GAD2: variants seen among roughly 807,000 people sequenced by gnomAD.
GAD2 encodes the protein glutamate decarboxylase 2, also known as 65 kDa glutamic acid decarboxylase.
Under a neutral mutation model 80.1 loss-of-function variants are expected in GAD2, and 22 were observed. The observed-to-expected ratio is 0.27, with a 90% CI of 0.20 to 0.39. The LOEUF (loss-of-function observed/expected upper bound fraction) is 0.39. Among genes scored for constraint, GAD2 ranks in the 10% least tolerant of loss-of-function variants. The pLI is 1.00. For synonymous variants in GAD2, 274 were observed against 256.9 expected, an observed-to-expected ratio of 1.07 and a Z score of -0.64; for missense variants, 624 against 738.4, an observed-to-expected ratio of 0.85 and a Z score of 1.80.
chr10:26,235,231 C>A (rs12258107), intron 7 of GAD2, among the ~76,000 whole-genome samples: 1,645 of 152,286 alleles, frequency 0.011, 38 homozygotes, highest in African/African-American at 0.037. Flanking sequence ...CATTACTATC[C>A]CTTCTTCCAA....
intron 6 of GAD2, among the ~76,000 whole-genome samples, chr10:26,226,577 T>A (rs1312023894): frequency 2.0e-5 from 3 of 152,220 alleles, no homozygotes; most frequent in Non-Finnish European, 4.4e-5. Context: ...TGGCTATGGA[T>A]GCTATTCCCG....
intron 8 of GAD2, among the ~76,000 whole-genome samples, chr10:26,249,105 C>T (rs1844846212): frequency 1.3e-5 from 2 of 152,178 alleles, no homozygotes; most frequent in African/African-American, 4.8e-5. Flanking sequence ...CTCTGTTGCC[C>T]AGGCTGGAGT....
At chr10:26,221,868 A>C (rs866740592) in intron 4 of GAD2, among the ~76,000 whole-genome samples, 5 of 152,214 alleles carry the variant, frequency 3.3e-5, no homozygotes, top group Middle Eastern at 6.3e-3. Flanking sequence ...CGACAGCAGC[A>C]GGAGGCCAAG....
chr10:26,240,035 T>C (rs1382757292), intron 7 of GAD2, among the ~76,000 whole-genome samples: 1 of 152,214 alleles, frequency 6.6e-6, no homozygotes, highest in Non-Finnish European at 1.5e-5. Context: ...AGTTAAATAT[T>C]TGGATGAAAT....
In GAD2 at chr10:26,217,866, A is replaced by G; in HGVS notation, c.161A>G (p.Lys54Arg). 6.2e-7 allele frequency: 1 copy of G among 1,607,520 alleles called. No homozygotes were observed. Among genetic ancestry groups the G allele is most frequent in the Middle Eastern group, 1.7e-4 (1 of 6,028 alleles). The change falls in exon 3 of 16, where the codon AAG (lysine) becomes AGG (arginine). Residue 54 changes from lysine (K) to arginine (R), a missense_variant. By Grantham distance (26) the Lys-to-Arg change is conservative. Transcript: ENST00000376261. This position sits in a 1 kb window ranked among gnomAD's most constrained non-coding sequence, Gnocchi z 4.9. The part of the protein sequence containing the change: ...LCALLYGDAE[K>R]PAESGGSQPP... ...GCCCTGCTCTACGGAGACGCCGAGA[A>G]GCCGGCGGAGAGCGGCGGGAGCCAA...
intron 6 of GAD2, among the ~76,000 whole-genome samples, chr10:26,226,079 A>G (rs183624877): frequency 4.6e-5 from 7 of 150,776 alleles, no homozygotes; most frequent in Admixed American, 4.6e-4. Context: ...GCTGGGCTCT[A>G]TTTTTTTTTC....
At chr10:26,298,140 A>C (rs937289400) in intron 15 of GAD2, among the ~76,000 whole-genome samples, 2 of 152,172 alleles carry the variant, frequency 1.3e-5, no homozygotes, top group South Asian at 4.1e-4. Flanking sequence ...TTAGTAAATC[A>C]GGGTAAGGAG....
chr10:26,296,762 G>T (rs1393597669), intron 15 of GAD2, among the ~76,000 whole-genome samples: 1 of 151,924 alleles, frequency 6.6e-6, no homozygotes, highest in African/African-American at 2.4e-5. Context: ...AGCTTTTATA[G>T]TCCTACACTG....
intron 7 of GAD2, among the ~76,000 whole-genome samples, chr10:26,242,928 A>G (rs1350422012): frequency 1.3e-5 from 2 of 152,028 alleles, no homozygotes; most frequent in Non-Finnish European, 2.9e-5. Context: ...AGTGGCTTGC[A>G]TGTACTTAGT....
intron 15 of GAD2, among the ~76,000 whole-genome samples, chr10:26,293,669 G>A (rs893296627): frequency 6.6e-6 from 1 of 152,186 alleles, no homozygotes; most frequent in Non-Finnish European, 1.5e-5. Flanking sequence ...ACCAGAAATG[G>A]TTAGCAAACA....
chr10:26,277,411 A>G (rs907131738), intron 11 of GAD2, among the ~76,000 whole-genome samples: 1 of 152,218 alleles, frequency 6.6e-6, no homozygotes, highest in African/African-American at 2.4e-5. Context: ...TGTGGCTGCC[A>G]TTATGCGTGG....
chr10:26,255,730 C>G (rs1430502397), intron 8 of GAD2, among the ~76,000 whole-genome samples: 3 of 151,968 alleles, frequency 2.0e-5, no homozygotes, highest in Non-Finnish European at 4.4e-5. Context: ...AATAAAAAAT[C>G]GCAAAGGTTT....
intron 11 of GAD2, among the ~76,000 whole-genome samples, chr10:26,277,418 G>A (rs115291758): frequency 0.013 from 1,938 of 152,302 alleles, 41 homozygotes; most frequent in African/African-American, 0.042. Context: ...GCCATTATGC[G>A]TGGAGAGCAT....
intron 3 of GAD2, among the ~76,000 whole-genome samples, chr10:26,218,551 T>TCACACACACACACACACACACA (rs59054319): frequency 3.4e-5 from 4 of 118,780 alleles, no homozygotes; most frequent in East Asian, 2.8e-4. Flanking sequence ...TCTCTCTCTC[T>TCACACACACACACACACACACA]CACACACACA....
intron 15 of GAD2, among the ~76,000 whole-genome samples, chr10:26,295,523 C>T (rs1834265108): frequency 6.6e-6 from 1 of 151,510 alleles, no homozygotes; most frequent in Admixed American, 6.6e-5. Flanking sequence ...CACACACACA[C>T]ACACACACAC....
At chr10:26,285,181 A>T (rs1182627494) in intron 12 of GAD2, among the ~76,000 whole-genome samples, 2 of 152,218 alleles carry the variant, frequency 1.3e-5, no homozygotes, top group African/African-American at 4.8e-5. Context: ...AAAATAATGA[A>T]AGGATTCCAA....
At chr10:26,233,030 A>T (rs1844625429) in intron 7 of GAD2, among the ~76,000 whole-genome samples, 1 of 151,800 alleles carries the variant, frequency 6.6e-6, no homozygotes, top group Non-Finnish European at 1.5e-5. Context: ...CTTATATCTG[A>T]CTACTATTTG....
chr10:26,286,419 T>C lies in GAD2; in HGVS notation c.1311T>C (p.Tyr437=). The stretch of plus-strand genomic sequence containing the variant: ...AAGATAAACATTATGACCTGTCCTA[T>C]GACACTGGAGACAAGGCCTTACAGT... ...FQQDKHYDLS[Y]DTGDKALQCG... Residue 437 remains tyrosine (Y), a synonymous_variant, in exon 13 of 16, where the codon TAT becomes TAC. Coordinates refer to ENST00000376261, the MANE Select transcript of GAD2 (RefSeq NM_001134366.2). The C allele has an allele frequency of 1.2e-6, 2 of 1,614,026 alleles. No homozygotes were observed. The highest frequency in any genetic ancestry group is 1.7e-6 in the Non-Finnish European group (2 of 1,179,922).
At position 26,218,543 on chromosome 10, in the gene GAD2, T is replaced by TCG. The variant is rs1185570478; in HGVS notation, c.287-499_287-498insGC. ...CAGACACACATGCATACGCTCTCTC[T>TCG]CTCTCTCTCACACACACACACACAC... On this transcript the variant is annotated intron_variant, in intron 3 of 15. Coordinates refer to ENST00000376261, the MANE Select transcript of GAD2 (RefSeq NM_001134366.2). Among the ~76,000 whole-genome samples, 190 of 82,258 alleles carry TCG rather than the reference T, an allele frequency of 2.3e-3. 1 individual carries two copies. Among genetic ancestry groups the TCG allele is most frequent in the Middle Eastern group, 7.6e-3 (1 of 132 alleles). 54.0% of individuals were successfully genotyped at this position (82,258 alleles called of 152,430 possible).
Sources: gnomAD v4.1 joint callset for allele counts (sites outside exome capture counted in the v4.1 genomes callset) on GRCh38, gnomAD v4.1.1 for gene constraint, Gnocchi (gnomAD v3.1) non-coding constraint, MANE v1.5 for transcripts, NCBI Gene and HGNC (gene_info 2026-07-23, HGNC 2026-07-21) for gene names.